NPHP1: variants seen among roughly 807,000 people sequenced by gnomAD.
NPHP1 encodes nephrocystin-1.
Under a neutral mutation model 90.4 loss-of-function variants are expected in NPHP1, and 70 were observed. The observed-to-expected ratio is 0.77, with a 90% confidence interval of 0.64 to 0.95. The LOEUF is 0.95. Among genes scored for constraint, NPHP1 ranks in the 40% least tolerant of loss-of-function variants. The pLI is 0.00. For synonymous variants in NPHP1, 256 were observed against 271.7 expected, an observed-to-expected ratio of 0.94 and a Z score of 0.57; for missense variants, 764 against 795.9, an observed-to-expected ratio of 0.96 and a Z score of 0.48.
chr2:110,126,229 T>C, intron 18 of NPHP1: 1 of 163,410 alleles, frequency 6.1e-6, no homozygotes, highest in South Asian at 1.7e-4. Context: ...ATTTAAGACT[T>C]TCACTGTGCC....
At chr2:110,200,839 T>C (rs916075841) in intron 2 of NPHP1, among the ~76,000 whole-genome samples, 2 of 152,168 alleles carry the variant, frequency 1.3e-5, no homozygotes, top group African/African-American at 2.4e-5. Context: ...TAAGTAAAAC[T>C]TCTCCAAACA....
intron 2 of NPHP1, among the ~76,000 whole-genome samples, chr2:110,196,320 C>T (rs144386428): frequency 0.039 from 5,891 of 152,118 alleles, 186 homozygotes; most frequent in Non-Finnish European, 0.061. Context: ...AAAAAACAAA[C>T]GACGCCATCA....
intron 1 of NPHP1, 64 bp downstream of exon 1, chr2:110,204,836 G>A: frequency 1.3e-6 from 2 of 1,536,274 alleles, no homozygotes; most frequent in Non-Finnish European, 1.8e-6. Flanking sequence ...GTGGGAAGGC[G>A]CAGTGCGCGC....
intron 2 of NPHP1, chr2:110,184,259 G>C: frequency 5.1e-6 from 3 of 584,622 alleles, no homozygotes; most frequent in Non-Finnish European, 1.0e-5. Context: ...ACCAAGGGCT[G>C]CTCTCAATCT....
chr2:110,129,109 A>AGACTAGAT, intron 18 of NPHP1, 77 bp downstream of exon 18: 1 of 1,040,850 alleles, frequency 9.6e-7, no homozygotes, highest in Non-Finnish European at 1.5e-6. Flanking sequence ...AAAAAGGCCT[A>AGACTAGAT]GACAGAACTC....
intron 9 of NPHP1, 132 bp downstream of exon 9, chr2:110,162,916 A>G: frequency 1.4e-6 from 1 of 722,380 alleles, no homozygotes; most frequent in Non-Finnish European, 2.5e-6. Context: ...AAGGATGAGG[A>G]AAAGATGAGC....
At chr2:110,160,443 TAG>T (rs1418662134) in intron 10 of NPHP1, among the ~76,000 whole-genome samples, 188 bp from the exon 11 acceptor site, 1 of 144,318 alleles carries the variant, frequency 6.9e-6, no homozygotes, top group Non-Finnish European at 1.5e-5. Context: ...AAATTTTTCA[TAG>T]AGTTACATTT....
At chr2:110,131,640 A>T (rs1679782556) in intron 17 of NPHP1, 39 bp downstream of exon 17, 1 of 1,157,098 alleles carries the variant, frequency 8.6e-7, no homozygotes, top group Non-Finnish European at 1.3e-6. Flanking sequence ...CAGAGTATGA[A>T]GCATTACTGC....
intron 16 of NPHP1, among the ~76,000 whole-genome samples, chr2:110,134,913 A>T (rs1051358140): frequency 2.0e-5 from 3 of 152,122 alleles, no homozygotes; most frequent in Non-Finnish European, 4.4e-5. Flanking sequence ...TTCCTCTAAG[A>T]TAAGGAACAA....
At chr2:110,129,120 A>G in intron 18 of NPHP1, 66 bp downstream of exon 18, 1 of 1,078,818 alleles carries the variant, frequency 9.3e-7, no homozygotes, top group Non-Finnish European at 1.4e-6. Flanking sequence ...GACAGAACTC[A>G]TTAACACAGA....
Position 110,125,642 on chromosome 2 carries a change from C to A in NPHP1, c.1756G>T (p.Glu586Ter). ...TGTGGAGACTCATATTTTACCTTCTCTGATCTTTTTAATGTGCTTTCTTTT... is the reference window on the plus strand; with the variant it reads ...TGTGGAGACTCATATTTTACCTTCTATGATCTTTTTAATGTGCTTTCTTTT... ...AGKESTLKRS[E>*]KRDKEFLKST... is the part of the protein sequence containing the mutation. The change falls in exon 19 of 20, where the codon GAG becomes TAG. Residue 586 changes from glutamate to a stop codon, truncating the protein, a stop_gained. Coordinates refer to ENST00000445609, the MANE Select transcript of NPHP1 (RefSeq NM_001128178.3). LOFTEE classifies it high-confidence loss of function. 1 of 1,613,010 alleles carries A rather than the reference C, an allele frequency of 6.2e-7. No individual in the cohort carries two copies. The highest frequency in any genetic ancestry group is 8.5e-7 in the Non-Finnish European group (1 of 1,179,136).
At chr2:110,184,431 A>G (rs1401579425) in intron 2 of NPHP1, 2 of 657,384 alleles carry the variant, frequency 3.0e-6, no homozygotes, top group Non-Finnish European at 5.5e-6. Flanking sequence ...ATGAGCTGCC[A>G]ACGTTTTCTT....
At chr2:110,146,229 T>A (rs1364725173) in intron 14 of NPHP1, among the ~76,000 whole-genome samples, 1 of 152,312 alleles carries the variant, frequency 6.6e-6, no homozygotes, top group East Asian at 1.9e-4. Context: ...CTTTTTCTTA[T>A]TAATTTTTGA....
intron 16 of NPHP1, among the ~76,000 whole-genome samples, chr2:110,133,665 G>C (rs776508142): frequency 8.6e-5 from 13 of 151,944 alleles, no homozygotes; most frequent in Middle Eastern, 3.2e-3. Context: ...TAAAAATATT[G>C]AAATCATACA....
intron 5 of NPHP1, among the ~76,000 whole-genome samples, chr2:110,169,171 G>C (rs947836889): frequency 2.0e-5 from 3 of 151,128 alleles, no homozygotes; most frequent in African/African-American, 7.3e-5. Context: ...CCATTTTCCA[G>C]GAGAATTTGA....
intron 4 of NPHP1, among the ~76,000 whole-genome samples, chr2:110,171,237 T>G (rs1007864336): frequency 6.6e-6 from 1 of 152,182 alleles, no homozygotes; most frequent in East Asian, 1.9e-4. Flanking sequence ...ATTTACTCAT[T>G]CAACATTCAG....
At position 110,168,552 on chromosome 2, in the gene NPHP1, T is replaced by A; in HGVS notation, c.524A>T (p.Lys175Ile). 1 of 1,589,610 alleles carries A rather than the reference T, an allele frequency of 6.3e-7. No homozygotes were observed. The highest frequency in any genetic ancestry group is 8.6e-7 in the Non-Finnish European group (1 of 1,157,718). Residue 175 changes from lysine (K) to isoleucine (I), a missense_variant and splice_region_variant, in exon 6 of 20, where the codon AAA (lysine) becomes ATA (isoleucine). By Grantham distance (102) the Lys-to-Ile change is moderately radical (BLOSUM62 -3). Coordinates refer to ENST00000445609, the MANE Select transcript of NPHP1 (RefSeq NM_001128178.3). ...TTCAATTACAAGGAGAATTTCCCCTTTCTTAAAGCAAAACAAAGTAAACCA... is the reference window on the plus strand; with the variant it reads ...TTCAATTACAAGGAGAATTTCCCCTATCTTAAAGCAAAACAAAGTAAACCA... The part of the protein sequence containing the change: ...AQQVGDLTFK[K>I]GEILLVIEKK...
chr2:110,150,799 C>T lies in NPHP1; in HGVS notation c.1084-543G>A, dbSNP rs372921155. 8.2e-4 allele frequency among the ~76,000 whole-genome samples: 125 copies of T among 151,744 alleles called. 1 individual carries two copies. The East Asian group carries it at 0.015, about 18-fold the overall frequency. On this transcript the variant is annotated intron_variant, in intron 11 of 19. Coordinates refer to ENST00000445609, the MANE Select transcript of NPHP1 (RefSeq NM_001128178.3). ...TCCTGACCTGAGGTGATCTGCCTGC[C>T]TCGGCCTCCCAAAGTGCTGGGATTA...
intron 2 of NPHP1, among the ~76,000 whole-genome samples, chr2:110,197,321 C>T (rs981015805): frequency 2.0e-5 from 3 of 151,984 alleles, no homozygotes; most frequent in African/African-American, 4.8e-5. Context: ...AAATAAAAAA[C>T]GTTTTAAAGG....
Sources: allele counts gnomAD v4.1 joint callset (sites outside exome capture counted in the v4.1 genomes callset), GRCh38; gene constraint gnomAD v4.1.1; transcripts MANE v1.5; gene names NCBI Gene and HGNC (gene_info 2026-07-23, HGNC 2026-07-21).